Variants in PCDHGA3 observed in about 807,000 individuals in gnomAD.
The protein encoded by PCDHGA3 is protocadherin gamma subfamily A, 3.
A neutral mutation model predicts 58.5 loss-of-function variants in PCDHGA3; 40 were observed. The ratio of observed to expected loss-of-function variants is 0.68; its 90% CI spans 0.53 to 0.89. PCDHGA3 has a LOEUF of 0.89. PCDHGA3 is among the 40% of genes least tolerant of loss of function. The pLI is 0.00. For missense variants in PCDHGA3, 1,223 were observed against 1,195.9 expected (o/e 1.02, Z -0.33); for synonymous variants, 530 against 525.7 (o/e 1.01, Z -0.11).
Position 141,383,152 on chromosome 5 carries a change from G to T in PCDHGA3, c.2424+36695G>T, listed in dbSNP as rs200500982. ...CCTGAACCAGCGCAGCGGCAGCTTG[G>T]TCACTGCGGGCAGGATAGACCGGGA... On this transcript the variant is annotated intron_variant, in intron 1 of 3. Coordinates refer to ENST00000253812, the MANE Select transcript of PCDHGA3 (RefSeq NM_018916.4). 3.1e-6 allele frequency: 5 copies of T among 1,614,006 alleles called. No homozygotes were observed. In the African/African-American group the frequency reaches 6.7e-5, roughly 22 times the overall value.
intron 1 of PCDHGA3, among the ~76,000 whole-genome samples, chr5:141,437,811 C>A (rs964885701): frequency 6.6e-6 from 1 of 150,864 alleles, no homozygotes; most frequent in African/African-American, 2.4e-5. Flanking sequence ...TATCTTGGCT[C>A]ACTGCAACCT....
chr5:141,381,698 C>A (rs1251060336), intron 1 of PCDHGA3, among the ~76,000 whole-genome samples: 1 of 152,046 alleles, frequency 6.6e-6, no homozygotes, highest in Non-Finnish European at 1.5e-5. Flanking sequence ...ACAACGATTT[C>A]TTTCTTTTTT....
At chr5:141,420,234 T>G (rs766733064) in intron 1 of PCDHGA3, 1 of 1,600,030 alleles carries the variant, frequency 6.2e-7, no homozygotes, top group Non-Finnish European at 8.5e-7. Flanking sequence ...GCTAGCATTT[T>G]AACTCCCAGC....
intron 1 of PCDHGA3, chr5:141,413,590 G>A (rs759901330): frequency 1.2e-6 from 2 of 1,613,886 alleles, no homozygotes; most frequent in Non-Finnish European, 1.7e-6. Flanking sequence ...AAAATTCCAA[G>A]CAGAAAATCT....
intron 1 of PCDHGA3, among the ~76,000 whole-genome samples, chr5:141,479,798 G>C (rs892288776): frequency 6.6e-6 from 1 of 152,234 alleles, no homozygotes; most frequent in East Asian, 1.9e-4. Context: ...ATTAATTCAG[G>C]GTGGTATGCA....
chr5:141,495,424 A>G (rs927637242), intron 2 of PCDHGA3, among the ~76,000 whole-genome samples: 2 of 152,088 alleles, frequency 1.3e-5, no homozygotes, highest in Non-Finnish European at 2.9e-5. Flanking sequence ...CCCTCCTCCC[A>G]CTGTCCTCTG....
intron 1 of PCDHGA3, among the ~76,000 whole-genome samples, chr5:141,425,114 T>A (rs537694464): frequency 5.9e-5 from 9 of 152,326 alleles, no homozygotes; most frequent in African/African-American, 2.2e-4. Context: ...TGCCTACATT[T>A]TTCTTGAAGT....
At chr5:141,446,461 A>G (rs1273508266) in intron 1 of PCDHGA3, among the ~76,000 whole-genome samples, 1 of 151,298 alleles carries the variant, frequency 6.6e-6, no homozygotes, top group Non-Finnish European at 1.5e-5. Flanking sequence ...TCAGTGTGTG[A>G]TTAGACATAT....
chr5:141,344,402 T>C lies in PCDHGA3; in HGVS notation c.369T>C (p.Ile123=). 6.2e-7 allele frequency: 1 copy of C among 1,611,462 alleles called. No individual in the cohort carries two copies. Among genetic ancestry groups the C allele is most frequent in the South Asian group, 1.1e-5 (1 of 90,614 alleles). ...KLKIFEVEIE[I]KDINDNAPNF... ...AAATTTTTGAAGTAGAAATAGAAAT[T>C]AAAGATATTAATGATAATGCTCCTA... Residue 123 remains isoleucine, a synonymous_variant, in exon 1 of 4, where the codon ATT becomes ATC. Transcript: ENST00000253812.
At position 141,447,140 on chromosome 5, in the gene PCDHGA3, T is replaced by C. The variant is rs770212881; in HGVS notation, c.2425-47667T>C. ...ATGGATTTTTTTGTTTGTTTGTTTT[T>C]TGTTTTTGTTTTTGTTTAAGCGGGG... On this transcript the variant is annotated intron_variant, in intron 1 of 3. Coordinates refer to ENST00000253812, the MANE Select transcript of PCDHGA3 (RefSeq NM_018916.4). Among the ~76,000 whole-genome samples the C allele has an allele frequency of 6.6e-5, 10 of 152,158 alleles. 1 individual carries two copies. Among genetic ancestry groups the C allele is most frequent in the Non-Finnish European group, 1.2e-4 (8 of 68,042 alleles).
chr5:141,422,485 A>G, intron 1 of PCDHGA3: 2 of 1,613,980 alleles, frequency 1.2e-6, no homozygotes, highest in Non-Finnish European at 1.7e-6. Context: ...CCAGAGCTAC[A>G]ATATAACGTT....
chr5:141,360,357 T>A, intron 1 of PCDHGA3: 1 of 1,613,878 alleles, frequency 6.2e-7, no homozygotes, highest in African/African-American at 1.3e-5. Flanking sequence ...AGAAGGAATA[T>A]TTCACAGTAA....
chr5:141,509,513 T>C (rs2099877131), intron 3 of PCDHGA3, among the ~76,000 whole-genome samples: 2 of 152,068 alleles, frequency 1.3e-5, no homozygotes, highest in Non-Finnish European at 2.9e-5. Flanking sequence ...ACGGTGTTGA[T>C]GATGTATTGC....
At chr5:141,505,241 T>C in intron 2 of PCDHGA3, 152 bp from the exon 3 acceptor site, 3 of 1,396,292 alleles carry the variant, frequency 2.1e-6, no homozygotes, top group South Asian at 1.4e-5. Flanking sequence ...TTCTGAAGGA[T>C]TGTAGAAGTG....
intron 1 of PCDHGA3, chr5:141,389,228 G>A (rs1172706843): frequency 2.5e-6 from 4 of 1,614,024 alleles, no homozygotes; most frequent in African/African-American, 2.7e-5. Context: ...ACAACGCTCC[G>A]GTTTTCTCAC....
chr5:141,393,555 C>G, intron 1 of PCDHGA3: 6 of 1,613,928 alleles, frequency 3.7e-6, no homozygotes, highest in Non-Finnish European at 5.1e-6. Flanking sequence ...CCCGATTTAC[C>G]GAGTGAAAGT....
At chr5:141,408,003 C>G in intron 1 of PCDHGA3, 1 of 917,520 alleles carries the variant, frequency 1.1e-6, no homozygotes, top group Non-Finnish European at 1.6e-6. Flanking sequence ...GCCTGGGATT[C>G]CCTGCGCAGC....
chr5:141,374,004 G>A (rs1770021331), intron 1 of PCDHGA3: 3 of 1,327,578 alleles, frequency 2.3e-6, no homozygotes, highest in African/African-American at 1.5e-5. Flanking sequence ...GACCTTCACC[G>A]CTATTTCTGA....
At chr5:141,405,130 G>A in intron 1 of PCDHGA3, 1 of 1,614,012 alleles carries the variant, frequency 6.2e-7, no homozygotes, top group South Asian at 1.1e-5. Flanking sequence ...ATCTGCTGCG[G>A]GCTACCAGTG....
Sources: allele counts gnomAD v4.1 joint callset (sites outside exome capture counted in the v4.1 genomes callset), GRCh38; gene constraint gnomAD v4.1.1; transcripts MANE v1.5; gene names NCBI Gene and HGNC (gene_info 2026-07-23, HGNC 2026-07-21).